B4GALT6: variants seen among roughly 807,000 people sequenced by gnomAD.
B4GALT6 encodes the protein beta-1,4-galactosyltransferase 6.
In B4GALT6, 14 loss-of-function variants were observed where a neutral mutation model predicts 46.3. The ratio of observed to expected loss-of-function variants is 0.30; its 90% CI spans 0.20 to 0.47. B4GALT6 has a LOEUF of 0.47. Ranked by LOEUF, B4GALT6 falls within the 20% of genes least tolerant of loss-of-function variation. The pLI is 0.99. For synonymous variants in B4GALT6, 168 were observed against 162.0 expected, an observed-to-expected ratio of 1.04 and a Z score of -0.28; for missense variants, 386 against 480.1, an observed-to-expected ratio of 0.80 and a Z score of 1.83.
chr18:31,631,671 T>C lies in B4GALT6; in HGVS notation c.589-525A>G, dbSNP rs575723054. Reference sequence around the variant, plus strand: ...TTTATTTTGTTAGTGGAGCTTTCCATATGCTGTCAAGACTAAGAGAAGAGG... The same window carrying C: ...TTTATTTTGTTAGTGGAGCTTTCCACATGCTGTCAAGACTAAGAGAAGAGG... On this transcript the variant is annotated intron_variant, in intron 5 of 8. Coordinates refer to ENST00000306851, the MANE Select transcript of B4GALT6 (RefSeq NM_004775.5). 1.2e-4 allele frequency among the ~76,000 whole-genome samples: 18 copies of C among 152,264 alleles called. 1 individual carries two copies. In the East Asian group the frequency reaches 2.5e-3, roughly 21 times the overall value.
At chr18:31,702,854 A>G in the B4GALT6 span, among the ~76,000 whole-genome samples, 1 of 152,204 alleles carries the variant, frequency 6.6e-6, no homozygotes, top group Admixed American at 6.5e-5. Flanking sequence ...GAGGAAGGAA[A>G]GGTCAAGAGT....
chr18:31,665,942 G>A (rs1053199730), intron 2 of B4GALT6, among the ~76,000 whole-genome samples: 5 of 152,304 alleles, frequency 3.3e-5, no homozygotes, highest in Admixed American at 3.3e-4. Context: ...TTACTAAGAT[G>A]AATAAATTAT....
intron 1 of B4GALT6, among the ~76,000 whole-genome samples, chr18:31,681,841 G>A (rs2074483498): frequency 6.6e-6 from 1 of 152,120 alleles, no homozygotes; most frequent in South Asian, 2.1e-4. Context: ...GCTTTTTAGG[G>A]CACATAAAAA....
At chr18:31,706,194 G>A in the B4GALT6 span, among the ~76,000 whole-genome samples, 1 of 152,080 alleles carries the variant, frequency 6.6e-6, no homozygotes, top group Non-Finnish European at 1.5e-5. Flanking sequence ...ATATGTATAT[G>A]TATAAATGTG....
At chr18:31,708,392 C>A in the B4GALT6 span, among the ~76,000 whole-genome samples, 3 of 152,122 alleles carry the variant, frequency 2.0e-5, no homozygotes, top group Non-Finnish European at 4.4e-5. Context: ...TGGTGAAACA[C>A]CACCTCTACT....
chr18:31,690,422 T>A (rs1436073807), upstream of B4GALT6, among the ~76,000 whole-genome samples: 1 of 152,000 alleles, frequency 6.6e-6, no homozygotes, highest in Non-Finnish European at 1.5e-5. Context: ...TAAGCCACCA[T>A]GCCCAACCCC....
chr18:31,710,899 C>T, the B4GALT6 span, among the ~76,000 whole-genome samples: 2 of 149,434 alleles, frequency 1.3e-5, no homozygotes, highest in East Asian at 2.0e-4. Flanking sequence ...CTAAATCCTA[C>T]TTCTATGACC....
the B4GALT6 span, chr18:31,718,866 T>C: frequency 1.3e-5 from 2 of 152,234 alleles, no homozygotes; most frequent in African/African-American, 2.4e-5. Context: ...AGCAAGAAGC[T>C]ACCAAGATAG....
rs34896376 is a variant in B4GALT6, at chr18:31,661,546, T to TCACA, written c.233-3461_233-3458dup. On this transcript the variant is annotated intron_variant, in intron 2 of 8. Transcript: ENST00000306851. Reference sequence around the variant, plus strand: ...AGCTAGTGTGCGCTCTCGCTCTCTCTCACACACACACACACAGAGTTCATA... The same window carrying TCACA: ...AGCTAGTGTGCGCTCTCGCTCTCTCTCACACACACACACACACACAGAGTTCATA... Among the ~76,000 whole-genome samples, 1,162 of 151,242 alleles carry TCACA rather than the reference T, an allele frequency of 7.7e-3. 15 individuals are homozygous for TCACA. The highest frequency in any genetic ancestry group is 0.027 in the African/African-American group (1,115 of 41,326).
At chr18:31,651,626 C>T (rs750932816) in intron 3 of B4GALT6, among the ~76,000 whole-genome samples, 7 of 152,150 alleles carry the variant, frequency 4.6e-5, no homozygotes, top group South Asian at 4.1e-4. Context: ...CCAAATAAAC[C>T]GCGGGCTTCC....
chr18:31,723,724 T>C, the B4GALT6 span, among the ~76,000 whole-genome samples: 15 of 152,122 alleles, frequency 9.9e-5, no homozygotes, highest in Non-Finnish European at 2.1e-4. Context: ...TTGGCGAAAA[T>C]GGCAACATTT....
At chr18:31,649,045 C>T (rs896585497) in intron 3 of B4GALT6, among the ~76,000 whole-genome samples, 1 of 152,164 alleles carries the variant, frequency 6.6e-6, no homozygotes, top group Non-Finnish European at 1.5e-5. Flanking sequence ...AAATTCCTCT[C>T]CAAAGCTAGA....
chr18:31,636,185 A>C (rs1688859752), intron 5 of B4GALT6, among the ~76,000 whole-genome samples: 1 of 152,222 alleles, frequency 6.6e-6, no homozygotes, highest in African/African-American at 2.4e-5. Flanking sequence ...AAGAGCTAAA[A>C]CTATTAAGTT....
chr18:31,663,459 C>T (rs1028831692), intron 2 of B4GALT6, among the ~76,000 whole-genome samples: 2 of 152,186 alleles, frequency 1.3e-5, no homozygotes, highest in Non-Finnish European at 2.9e-5. Context: ...CTGTGGGCTA[C>T]ATGGCACCAT....
At chr18:31,685,497 G>T (rs1043421978), upstream of B4GALT6, among the ~76,000 whole-genome samples, 2 of 151,544 alleles carry the variant, frequency 1.3e-5, no homozygotes, top group Non-Finnish European at 2.9e-5. Flanking sequence ...GGGCCCCGAG[G>T]AAACCTGGAG....
In B4GALT6 at chr18:31,664,078, C is replaced by T. The variant is rs73420383; in HGVS notation, c.232+2178G>A. Among the ~76,000 whole-genome samples the T allele has an allele frequency of 9.6e-4, 146 of 152,312 alleles. 2 individuals carry two copies. Among genetic ancestry groups the T allele is most frequent in the African/African-American group, 3.2e-3 (135 of 41,560 alleles). On this transcript the variant is annotated intron_variant, in intron 2 of 8. Transcript: ENST00000306851. ...ATGTATGAAGAAATACTGTGTGGGA[C>T]CTCTGGGAAGGCTCCAGAAAAGAGG...
chr18:31,723,102 CA>C, the B4GALT6 span, among the ~76,000 whole-genome samples: 9 of 152,180 alleles, frequency 5.9e-5, no homozygotes, highest in Non-Finnish European at 1.3e-4. Flanking sequence ...GAAATTTAAA[CA>C]TATAATTTAG....
intron 6 of B4GALT6, among the ~76,000 whole-genome samples, 189 bp from the exon 7 acceptor site, chr18:31,627,310 A>G (rs945584565): frequency 6.6e-6 from 1 of 152,126 alleles, no homozygotes; most frequent in Non-Finnish European, 1.5e-5. Context: ...GTACATGTAC[A>G]TGTGTTATGT....
At chr18:31,710,392 G>A in the B4GALT6 span, among the ~76,000 whole-genome samples, 1 of 152,230 alleles carries the variant, frequency 6.6e-6, no homozygotes, top group African/African-American at 2.4e-5. Flanking sequence ...TATGTTTACC[G>A]GAACTTGTGG....
Sources: gnomAD v4.1 joint callset for allele counts (sites outside exome capture counted in the v4.1 genomes callset) on GRCh38, gnomAD v4.1.1 for gene constraint, MANE v1.5 for transcripts, NCBI Gene and HGNC (gene_info 2026-07-23, HGNC 2026-07-21) for gene names.